MAN2B1: variants seen among roughly 807,000 people sequenced by gnomAD.
MAN2B1 encodes the protein mannosidase alpha class 2B member 1.
Under a neutral mutation model 127.5 loss-of-function variants are expected in MAN2B1, and 99 were observed. The ratio of observed to expected loss-of-function variants is 0.78; its 90% CI spans 0.66 to 0.92. MAN2B1 has a LOEUF of 0.92. Ranked by LOEUF, MAN2B1 falls within the 40% of genes least tolerant of loss-of-function variation. The probability of loss-of-function intolerance (pLI) is 0.00; values close to 1 mark genes in which losing one functional copy is unlikely to be tolerated. For synonymous variants in MAN2B1, 573 were observed against 568.8 expected (o/e 1.01, Z -0.11); for missense variants, 1,304 against 1,384.8 (o/e 0.94, Z 0.93).
intron 14 of MAN2B1, among the ~76,000 whole-genome samples, chr19:12,654,098 A>G (rs1164691464): frequency 2.1e-5 from 3 of 144,962 alleles, no homozygotes; most frequent in Admixed American, 7.1e-5. Context: ...GCTGGAATGC[A>G]GTGGCGCCAT....
At chr19:12,658,198 C>T (rs1443589062) in intron 9 of MAN2B1, 26 bp downstream of exon 9, 13 of 1,613,706 alleles carry the variant, frequency 8.1e-6, no homozygotes, top group Non-Finnish European at 9.3e-6. Flanking sequence ...GGGCTGCATG[C>T]CCCCTCTAGC....
chr19:12,659,185 T>A (rs1030476028), intron 7 of MAN2B1, among the ~76,000 whole-genome samples: 1 of 151,658 alleles, frequency 6.6e-6, no homozygotes, highest in African/African-American at 2.4e-5. Flanking sequence ...TGAATGGAGG[T>A]GCACTTTCAC....
chr19:12,654,998 C>T (rs188783683), intron 14 of MAN2B1, among the ~76,000 whole-genome samples: 4 of 152,264 alleles, frequency 2.6e-5, no homozygotes, highest in Admixed American at 2.6e-4. Context: ...GACAGGGTTT[C>T]ACTCTGTTGC....
At position 12,661,319 on chromosome 19, in the gene MAN2B1, CAT is replaced by C. The variant is rs778131120; in HGVS notation, c.965_966del (p.Tyr322Ter). 6.2e-6 allele frequency: 10 copies of C among 1,614,078 alleles called. No individual in the cohort carries two copies. The highest frequency in any genetic ancestry group is 8.5e-6 in the Non-Finnish European group (10 of 1,179,940). ...TVMTMGSDFQ[Y>X]ENANMWFKNL... is the part of the protein sequence containing the mutation. ...TTCTTGAACCACATGTTGGCATTCT[CAT>C]ATTGGAAGTCCGAGCCCATGGTCAT... On this transcript the variant is annotated frameshift_variant, in exon 7 of 24. Transcript: ENST00000456935. LOFTEE classifies it high-confidence loss of function.
chr19:12,655,051 C>T (rs76995059), intron 14 of MAN2B1, among the ~76,000 whole-genome samples: 39 of 152,312 alleles, frequency 2.6e-4, no homozygotes, highest in African/African-American at 8.4e-4. Context: ...ACTGCAACCT[C>T]GAACTCCCCA....
In MAN2B1 at chr19:12,656,610, G is replaced by GAAA; in HGVS notation, c.1602_1604dup (p.Phe535dup). ...TCCTGCCATTGGGGTCCTTCACAACGAAAACGCCTTCGCTGACCGGCAGCC... is the reference window on the plus strand; with the variant it reads ...TCCTGCCATTGGGGTCCTTCACAACGAAAAAAACGCCTTCGCTGACCGGCAGCC... On this transcript the variant is annotated inframe_insertion, in exon 13 of 24. Coordinates refer to ENST00000456935, the MANE Select transcript of MAN2B1 (RefSeq NM_000528.4). 6.2e-7 allele frequency: 1 copy of GAAA among 1,613,934 alleles called. No homozygotes were observed. The highest frequency in any genetic ancestry group is 8.5e-7 in the Non-Finnish European group (1 of 1,179,912).
intron 14 of MAN2B1, 131 bp downstream of exon 14, chr19:12,655,563 G>T: frequency 1.1e-6 from 1 of 906,018 alleles, no homozygotes; most frequent in Non-Finnish European, 1.7e-6. Context: ...CTTGCTCAAG[G>T]ACACACAATG....
Position 12,649,995 on chromosome 19 carries a change from C to T in MAN2B1, c.2185G>A (p.Val729Ile). ...IPVGDTWGKE[V>I]ISRFDTPLET... ...AGCGGTGTGTCAAAACGGCTGATGA[C>T]CTCCTTCCCCCAGGTGTCGCTGTAC... The change falls in exon 18 of 24, where the codon GTC becomes ATC. Residue 729 changes from valine (V) to isoleucine (I), a missense_variant. Physicochemically the swap from Val to Ile is conservative, Grantham distance 29. Transcript: ENST00000456935. 1 of 1,614,020 alleles carries T rather than the reference C, an allele frequency of 6.2e-7. No homozygotes were observed. Among genetic ancestry groups the T allele is most frequent in the Non-Finnish European group, 8.5e-7 (1 of 1,179,996 alleles).
chr19:12,657,464 T>C lies in MAN2B1; in HGVS notation c.1401A>G (p.Ala467=), dbSNP rs1314080939. ...VANDYARQLA[A]GWGPCEVLLS... ...CGCGCACCTCGCAAGGCCCCCAGCC[T>C]GCCGCAAGCTGGCGCGCGTAGTCGT... Residue 467 remains alanine, a synonymous_variant, in exon 11 of 24, where the codon GCA becomes GCG. Coordinates refer to ENST00000456935, the MANE Select transcript of MAN2B1 (RefSeq NM_000528.4). The C allele has an allele frequency of 1.3e-6, 2 of 1,556,822 alleles. No homozygotes were observed. Among genetic ancestry groups the C allele is most frequent in the Admixed American group, 1.9e-5 (1 of 51,886 alleles).
chr19:12,648,035 C>T, intron 21 of MAN2B1, 140 bp downstream of exon 21: 2 of 882,902 alleles, frequency 2.3e-6, no homozygotes, highest in Non-Finnish European at 3.6e-6. Flanking sequence ...GGGGACTGCC[C>T]AGGGGATGGG....
intron 14 of MAN2B1, among the ~76,000 whole-genome samples, chr19:12,655,292 A>T (rs907931136): frequency 4.0e-5 from 6 of 151,838 alleles, no homozygotes; most frequent in African/African-American, 1.2e-4. Context: ...AATTCTGCAC[A>T]CTCTCCTGCT....
chr19:12,657,410 T>C, intron 11 of MAN2B1, 36 bp downstream of exon 11: 3 of 1,523,632 alleles, frequency 2.0e-6, no homozygotes, highest in Non-Finnish European at 2.7e-6. Flanking sequence ...CCTTCCTGTC[T>C]CCACCCCCGT....
chr19:12,665,092 G>A (rs1290180097), intron 3 of MAN2B1, 107 bp from the exon 4 acceptor site: 1 of 1,190,236 alleles, frequency 8.4e-7, no homozygotes, highest in African/African-American at 1.5e-5. Context: ...ATTTCTGGCG[G>A]AAGGACAAGA....
Position 12,647,740 on chromosome 19 carries a change from G to C in MAN2B1, c.2665-142C>G. 1 of 696,594 alleles carries C rather than the reference G, an allele frequency of 1.4e-6. No individual in the cohort carries two copies. The highest frequency in any genetic ancestry group is 2.8e-5 in the Admixed American group (1 of 35,648). The allele number at this position is 696,594 out of a possible 1,614,324, so 43.2% of individuals were successfully genotyped here. ...GGGGCAAGGCTCAGCCGAGAGGAGC[G>C]GCCAGGGCCGTGACAGGGAGGACTG... On this transcript the variant is annotated intron_variant, in intron 21 of 23. Coordinates refer to ENST00000456935, the MANE Select transcript of MAN2B1 (RefSeq NM_000528.4). The surrounding 1 kb of genome is among the most constrained non-coding windows in gnomAD (Gnocchi z 4.9).
In MAN2B1 at chr19:12,658,559, G is replaced by A. The variant is rs1007918669; in HGVS notation, c.1027-49C>T. The A allele has an allele frequency of 5.2e-6, 8 of 1,534,208 alleles. No individual in the cohort carries two copies. In the African/African-American group the frequency reaches 1.1e-4, roughly 21 times the overall value. ...AGCCCTCGGGAGTCCGCACCTTCCT[G>A]GGGGCCCACACTTCCACACATGTGT... On this transcript the variant is annotated intron_variant, in intron 7 of 23. Coordinates refer to ENST00000456935, the MANE Select transcript of MAN2B1 (RefSeq NM_000528.4).
chr19:12,662,801 G>A (rs921279753), intron 6 of MAN2B1, among the ~76,000 whole-genome samples: 1 of 151,576 alleles, frequency 6.6e-6, no homozygotes, highest in Admixed American at 6.6e-5. Flanking sequence ...AGCTGGGTGT[G>A]GTGGCAGGTG....
chr19:12,662,090 C>T (rs2024121495), intron 6 of MAN2B1, among the ~76,000 whole-genome samples: 1 of 152,056 alleles, frequency 6.6e-6, no homozygotes, highest in African/African-American at 2.4e-5. Context: ...GATGATCTGC[C>T]CATCTCGGCC....
At chr19:12,655,489 C>T (rs1451470039) in intron 14 of MAN2B1, among the ~76,000 whole-genome samples, 1 of 152,184 alleles carries the variant, frequency 6.6e-6, no homozygotes, top group African/African-American at 2.4e-5. Flanking sequence ...CAAGTGTCAC[C>T]CATGATCACA....
intron 10 of MAN2B1, 136 bp downstream of exon 10, chr19:12,657,927 C>T (rs567348923): frequency 4.4e-5 from 37 of 835,536 alleles, no homozygotes; most frequent in Non-Finnish European, 3.7e-6. Flanking sequence ...TGCACTCCAG[C>T]CTGGGAGACA....
Sources: allele counts gnomAD v4.1 joint callset (sites outside exome capture counted in the v4.1 genomes callset), GRCh38; gene constraint gnomAD v4.1.1; non-coding constraint Gnocchi (gnomAD v3.1); transcripts MANE v1.5; gene names NCBI Gene and HGNC (gene_info 2026-07-23, HGNC 2026-07-21).